Variants in SCRN1 observed in about 807,000 individuals in gnomAD.
The protein encoded by SCRN1 is secernin 1.
SCRN1 carries 19 observed loss-of-function variants against 43.3 expected under a neutral mutation model. The ratio of observed to expected loss-of-function variants is 0.44; its 90% CI spans 0.31 to 0.64. SCRN1 has a LOEUF of 0.64. Among genes scored for constraint, SCRN1 ranks in the 30% least tolerant of loss-of-function variants. SCRN1 has a pLI of 0.09. For missense variants in SCRN1, 447 were observed against 524.1 expected (o/e 0.85, Z 1.44); for synonymous variants, 183 against 188.9 (o/e 0.97, Z 0.26).
chr7:29,927,430 A>C (rs970070311), intron 6 of SCRN1, among the ~76,000 whole-genome samples: 1 of 133,470 alleles, frequency 7.5e-6, no homozygotes, highest in South Asian at 2.6e-4. Context: ...TCCCAGGCCA[A>C]CGGGCTAAGG....
chr7:29,971,205 T>G (rs1788656440), intron 1 of SCRN1, among the ~76,000 whole-genome samples: 1 of 152,230 alleles, frequency 6.6e-6, no homozygotes, highest in African/African-American at 2.4e-5. Context: ...CCTGCTTAAG[T>G]CACTTTACCT....
chr7:29,988,646 A>ACGCGCACACACACACG (rs1352985994), intron 1 of SCRN1: 1 of 152,376 alleles, frequency 6.6e-6, no homozygotes, highest in Non-Finnish European at 1.5e-5. Flanking sequence ...ACACGCGCAC[A>ACGCGCACACACACACG]CGCGCACACA....
chr7:29,969,073 A>G lies in SCRN1; in HGVS notation c.-1-5T>C. 1.2e-6 allele frequency: 2 copies of G among 1,611,184 alleles called. No homozygotes were observed. Among genetic ancestry groups the G allele is most frequent in the Non-Finnish European group, 1.7e-6 (2 of 1,178,512 alleles). On this transcript the variant is annotated splice_polypyrimidine_tract_variant and splice_region_variant and intron_variant, in intron 1 of 7. Coordinates refer to ENST00000242059, the MANE Select transcript of SCRN1 (RefSeq NM_014766.5). ...CTTGGAGGAGCTGCAGCCATCCTGAAAAGAGAATGCCAGCAAGAGTGGAAG... is the reference window on the plus strand; with the variant it reads ...CTTGGAGGAGCTGCAGCCATCCTGAGAAGAGAATGCCAGCAAGAGTGGAAG...
At chr7:29,966,049 C>CTCCAGTGT (rs148864644) in intron 2 of SCRN1, among the ~76,000 whole-genome samples, 2,639 of 151,900 alleles carry the variant, frequency 0.017, 62 homozygotes, top group East Asian at 0.049. Context: ...TGTGTCTCCA[C>CTCCAGTGT]TCCAGTGTCT....
intron 1 of SCRN1, among the ~76,000 whole-genome samples, chr7:29,987,225 T>C (rs1256137397): frequency 1.3e-5 from 2 of 152,184 alleles, no homozygotes; most frequent in Non-Finnish European, 2.9e-5. Flanking sequence ...CTTCACCACC[T>C]CTTCACACTA....
chr7:29,967,421 G>T (rs1364207206), intron 2 of SCRN1, among the ~76,000 whole-genome samples: 1 of 148,984 alleles, frequency 6.7e-6, no homozygotes, highest in Non-Finnish European at 1.5e-5. Context: ...AAGAGATGGG[G>T]TCTCACCATG....
chr7:29,935,544 T>C (rs1787296330), intron 6 of SCRN1, among the ~76,000 whole-genome samples: 1 of 152,252 alleles, frequency 6.6e-6, no homozygotes, highest in African/African-American at 2.4e-5. Flanking sequence ...TAGAGCCTTC[T>C]AGGCTGAGGA....
chr7:29,926,702 T>A lies in SCRN1; in HGVS notation c.906-70A>T, dbSNP rs1786973332. On this transcript the variant is annotated intron_variant, in intron 6 of 7. Transcript: ENST00000242059. ...CCGGGAACACCCAGAGACTGTCCTTTTATTCAGCAAACATTTCCCAAGCCA... is the reference window on the plus strand; with the variant it reads ...CCGGGAACACCCAGAGACTGTCCTTATATTCAGCAAACATTTCCCAAGCCA... The A allele has an allele frequency of 2.1e-6, 3 of 1,450,778 alleles. No homozygotes were observed. The East Asian group carries it at 7.0e-5, about 34-fold the overall frequency. 89.9% of individuals were successfully genotyped at this position (1,450,778 alleles called of 1,614,324 possible). A position where few individuals can be genotyped will look rare whatever the true frequency, so the allele number is the denominator to read the frequency against.
chr7:29,969,296 G>C (rs1788595076), intron 1 of SCRN1: 3 of 538,506 alleles, frequency 5.6e-6, no homozygotes, highest in Non-Finnish European at 6.6e-6. Flanking sequence ...AATGAGCTCA[G>C]ATTTGCAACA....
At chr7:29,969,859 ATCT>A (rs1562820109) in intron 1 of SCRN1, 1 of 456,390 alleles carries the variant, frequency 2.2e-6, no homozygotes, top group African/African-American at 2.0e-5. Flanking sequence ...AGCTGATTTC[ATCT>A]TCTTCCCTTT....
Position 29,922,532 on chromosome 7 carries a change from G to A in SCRN1, c.*1425C>T, listed in dbSNP as rs900006126. On this transcript the variant is annotated 3_prime_UTR_variant, in exon 8 of 8. Transcript: ENST00000242059. Reference sequence around the variant, plus strand: ...CCCAACTGGTGCTCTCCCACTAGCTGCTGTATTTACATACACTTCTGTTCA... The same window carrying A: ...CCCAACTGGTGCTCTCCCACTAGCTACTGTATTTACATACACTTCTGTTCA... 6.6e-6 allele frequency: 1 copy of A among 152,218 alleles called. No individual in the cohort carries two copies. Among genetic ancestry groups the A allele is most frequent in the African/African-American group, 2.4e-5 (1 of 41,450 alleles). The allele number at this position is 152,218 out of a possible 1,614,324, so 9.4% of individuals were successfully genotyped here.
chr7:29,924,934 G>C (rs943981489), intron 7 of SCRN1, among the ~76,000 whole-genome samples: 1 of 152,140 alleles, frequency 6.6e-6, no homozygotes, highest in African/African-American at 2.4e-5. Flanking sequence ...CCACCTGAGA[G>C]TCATTTGTAA....
At chr7:29,941,546 A>G (rs1278937402) in intron 4 of SCRN1, among the ~76,000 whole-genome samples, 1 of 152,206 alleles carries the variant, frequency 6.6e-6, no homozygotes, top group Admixed American at 6.5e-5. Flanking sequence ...GTGTGTGTGC[A>G]CACATGCGTG....
intron 2 of SCRN1, among the ~76,000 whole-genome samples, chr7:29,967,576 T>C (rs182465402): frequency 6.6e-6 from 1 of 152,176 alleles, no homozygotes; most frequent in Admixed American, 6.6e-5. Flanking sequence ...CATAAAACTA[T>C]ATAAATCTCA....
At chr7:29,983,608 G>C (rs556289628) in intron 1 of SCRN1, among the ~76,000 whole-genome samples, 1 of 152,240 alleles carries the variant, frequency 6.6e-6, no homozygotes, top group Non-Finnish European at 1.5e-5. Context: ...CATATAAATA[G>C]GGCTTTTGGA....
intron 4 of SCRN1, 139 bp downstream of exon 4, chr7:29,943,838 T>C: frequency 1.3e-6 from 1 of 768,592 alleles, no homozygotes; most frequent in Non-Finnish European, 2.2e-6. Flanking sequence ...ATGAGAGGCA[T>C]GCCAAAGCAT....
intron 2 of SCRN1, among the ~76,000 whole-genome samples, chr7:29,964,550 A>G (rs1402202320): frequency 6.6e-6 from 1 of 152,330 alleles, no homozygotes; most frequent in East Asian, 1.9e-4. Flanking sequence ...CTAGGACAGT[A>G]AAAGTATTCT....
chr7:29,936,495 C>T, intron 6 of SCRN1, 61 bp downstream of exon 6: 2 of 1,417,780 alleles, frequency 1.4e-6, no homozygotes, highest in East Asian at 2.4e-5. Context: ...TACGCACTTG[C>T]TGAATGAGCT....
At chr7:29,944,212 C>A (rs752181567) in intron 3 of SCRN1, 33 bp from the exon 4 acceptor site, 3 of 1,593,772 alleles carry the variant, frequency 1.9e-6, no homozygotes, top group African/African-American at 2.7e-5. Flanking sequence ...ATACTTCAGT[C>A]ATTTCATACC....
Sources: allele counts gnomAD v4.1 joint callset (sites outside exome capture counted in the v4.1 genomes callset), GRCh38; gene constraint gnomAD v4.1.1; transcripts MANE v1.5; gene names NCBI Gene and HGNC (gene_info 2026-07-23, HGNC 2026-07-21).